The following TPST1 variants were observed in gnomAD, a reference collection of about 807,000 sequenced individuals.
The protein encoded by TPST1 is protein-tyrosine sulfotransferase 1.
A neutral mutation model predicts 34.8 loss-of-function variants in TPST1; 20 were observed. That is an observed-to-expected ratio of 0.57 (90% confidence interval 0.40 to 0.84). The LOEUF (loss-of-function observed/expected upper bound fraction) is 0.84, where lower values mean the gene tolerates loss of function less well. TPST1 is among the 40% of genes least tolerant of loss of function. The probability of loss-of-function intolerance (pLI) is 0.00; values close to 1 mark genes in which losing one functional copy is unlikely to be tolerated. For missense variants in TPST1, 353 were observed against 455.5 expected (o/e 0.78, Z 2.05); for synonymous variants, 152 against 159.4 (o/e 0.95, Z 0.35).
rs573200695 is a variant in TPST1 at position 66,355,902 on chromosome 7, C to CAAAA, written c.1096-903_1096-900dup. On this transcript the variant is annotated intron_variant, in intron 4 of 5. Transcript: ENST00000304842. ...CCTGGGTGACAGAGCAAGACTCCAT[C>CAAAA]AAAAAAAAAAAAAAAAAAAAAAAGG... is the stretch of plus-strand genomic sequence containing the variant. Among the ~76,000 whole-genome samples, 60 of 56,604 alleles carry CAAAA rather than the reference C, an allele frequency of 1.1e-3. 2 individuals are homozygous for CAAAA. Among genetic ancestry groups the CAAAA allele is most frequent in the East Asian group, 1.5e-3 (2 of 1,316 alleles). 37.1% of individuals were successfully genotyped at this position (56,604 alleles called of 152,430 possible). A position where few individuals can be genotyped will look rare whatever the true frequency, so the allele number is the denominator to read the frequency against.
chr7:66,236,776 C>T (rs538812113), intron 1 of TPST1, among the ~76,000 whole-genome samples: 2 of 152,140 alleles, frequency 1.3e-5, no homozygotes, highest in African/African-American at 4.8e-5. Flanking sequence ...AATTACACTT[C>T]AATAAAGCTT....
At chr7:66,307,185 T>C (rs904615808) in intron 3 of TPST1, among the ~76,000 whole-genome samples, 1 of 151,724 alleles carries the variant, frequency 6.6e-6, no homozygotes, top group African/African-American at 2.4e-5. Flanking sequence ...TGATGAGATC[T>C]CGGCTCACTG....
chr7:66,356,169 T>TTAGC (rs2116406065), intron 4 of TPST1, among the ~76,000 whole-genome samples: 2 of 152,256 alleles, frequency 1.3e-5, no homozygotes, highest in South Asian at 4.1e-4. Flanking sequence ...GATTGAATAA[T>TTAGC]TAGCTAGAAT....
intron 3 of TPST1, among the ~76,000 whole-genome samples, chr7:66,319,615 A>G (rs1791710850): frequency 1.3e-5 from 2 of 152,240 alleles, no homozygotes; most frequent in Admixed American, 1.3e-4. Context: ...TTGTCCAGAT[A>G]CACAGTTTTG....
intron 2 of TPST1, among the ~76,000 whole-genome samples, chr7:66,270,483 GCTT>G (rs1453925381): frequency 6.6e-6 from 1 of 152,056 alleles, no homozygotes; most frequent in Non-Finnish European, 1.5e-5. Flanking sequence ...CACTTACTCT[GCTT>G]CTTTATACTT....
intron 3 of TPST1, among the ~76,000 whole-genome samples, chr7:66,303,059 A>G (rs1477773021): frequency 6.6e-6 from 1 of 152,110 alleles, no homozygotes; most frequent in Non-Finnish European, 1.5e-5. Context: ...CTCAACTCAC[A>G]TGACACCTCT....
chr7:66,240,050 T>G (rs1193501272), intron 1 of TPST1, among the ~76,000 whole-genome samples: 2 of 151,246 alleles, frequency 1.3e-5, no homozygotes, highest in Non-Finnish European at 2.9e-5. Context: ...CCCAGCTAAT[T>G]TTTTTTGTAT....
intron 3 of TPST1, among the ~76,000 whole-genome samples, chr7:66,292,958 G>C (rs1346006894): frequency 3.9e-5 from 6 of 152,178 alleles, no homozygotes; most frequent in African/African-American, 1.4e-4. Flanking sequence ...TGTAATCCCA[G>C]CACTTTGGGA....
chr7:66,227,765 G>A (rs903431608), intron 1 of TPST1, among the ~76,000 whole-genome samples: 1 of 151,190 alleles, frequency 6.6e-6, no homozygotes, highest in Non-Finnish European at 1.5e-5. Context: ...TGTTGGGTAT[G>A]AGAAAGAGAT....
At chr7:66,297,541 G>A (rs754660267) in intron 3 of TPST1, among the ~76,000 whole-genome samples, 5 of 152,178 alleles carry the variant, frequency 3.3e-5, no homozygotes, top group Non-Finnish European at 7.3e-5. Flanking sequence ...GCTAAAGTTA[G>A]AGAGCTGAAA....
chr7:66,328,227 A>G (rs956905139), intron 3 of TPST1, among the ~76,000 whole-genome samples: 1 of 151,612 alleles, frequency 6.6e-6, no homozygotes, highest in Non-Finnish European at 1.5e-5. Flanking sequence ...GGGTTTTACC[A>G]TGTTGCCCAG....
chr7:66,238,722 T>G (rs1169437051), intron 1 of TPST1, among the ~76,000 whole-genome samples: 1 of 152,210 alleles, frequency 6.6e-6, no homozygotes, highest in Non-Finnish European at 1.5e-5. Flanking sequence ...CAGACATATC[T>G]AGATTGGTGT....
intron 2 of TPST1, among the ~76,000 whole-genome samples, chr7:66,273,379 C>A (rs1790741980): frequency 6.6e-6 from 1 of 152,118 alleles, no homozygotes; most frequent in Non-Finnish European, 1.5e-5. Flanking sequence ...TCAATACAAT[C>A]CCTATCAAAA....
intron 2 of TPST1, 43 bp downstream of exon 2, chr7:66,241,313 T>G: frequency 6.4e-7 from 1 of 1,557,846 alleles, no homozygotes; most frequent in Non-Finnish European, 8.7e-7. Flanking sequence ...TATATTTAGC[T>G]AATAATGATC....
chr7:66,243,643 G>T (rs1342826652), intron 2 of TPST1, among the ~76,000 whole-genome samples: 3 of 133,028 alleles, frequency 2.3e-5, no homozygotes, highest in African/African-American at 8.7e-5. Flanking sequence ...TTTTGGTAGA[G>T]CCCCATGTTG....
chr7:66,283,782 A>G (rs952194033), intron 2 of TPST1, among the ~76,000 whole-genome samples: 4 of 152,160 alleles, frequency 2.6e-5, no homozygotes, highest in Admixed American at 1.3e-4. Flanking sequence ...AGAATGGCCT[A>G]CTTCTGTCAT....
At chr7:66,211,653 C>T (rs537461712) in intron 1 of TPST1, among the ~76,000 whole-genome samples, 2 of 152,268 alleles carry the variant, frequency 1.3e-5, no homozygotes, top group Admixed American at 6.5e-5. Flanking sequence ...GTCAAATATG[C>T]GTAGTCATTC....
Position 66,347,059 on chromosome 7 carries a change from C to CTTTTTTTTTT in TPST1, c.1045-5429_1045-5420dup, listed in dbSNP as rs71051352. ...TTTCTTCTTTTTTTCCTTTGCTTTT[C>CTTTTTTTTTT]TTTTTTTTTTTTTTTTTTTTTTTTT... On this transcript the variant is annotated intron_variant, in intron 3 of 5. Coordinates refer to ENST00000304842, the MANE Select transcript of TPST1 (RefSeq NM_003596.4). 8.6e-3 allele frequency among the ~76,000 whole-genome samples: 517 copies of CTTTTTTTTTT among 59,992 alleles called. 121 individuals carry two copies. Among genetic ancestry groups the CTTTTTTTTTT allele is most frequent in the Middle Eastern group, 0.022 (1 of 46 alleles). The allele number at this position is 59,992 out of a possible 152,430, so 39.4% of individuals were successfully genotyped here.
chr7:66,316,040 G>A (rs1791626093), intron 3 of TPST1, among the ~76,000 whole-genome samples: 6 of 151,664 alleles, frequency 4.0e-5, no homozygotes, highest in Admixed American at 2.0e-4. Context: ...AACTCAGGAT[G>A]CGGAGGTTGC....
Sources: allele counts gnomAD v4.1 joint callset (sites outside exome capture counted in the v4.1 genomes callset), GRCh38; gene constraint gnomAD v4.1.1; transcripts MANE v1.5; gene names NCBI Gene and HGNC (gene_info 2026-07-23, HGNC 2026-07-21).